Variants in AFF3 observed in about 807,000 individuals in gnomAD.
AFF3 encodes ALF transcription elongation factor 3.
In AFF3, 32 loss-of-function variants were observed where a neutral mutation model predicts 129.7. That is an observed-to-expected ratio of 0.25 (90% CI 0.19 to 0.33). The LOEUF is 0.33. AFF3 is among the 10% of genes least tolerant of loss of function. The probability of loss-of-function intolerance (pLI) is 1.00; values close to 1 mark genes in which losing one functional copy is unlikely to be tolerated. For missense variants in AFF3, 1,373 were observed against 1,592.0 expected (o/e 0.86, Z 2.34); for synonymous variants, 644 against 635.4 (o/e 1.01, Z -0.20).
chr2:99,961,469 T>G (rs541016093), intron 7 of AFF3, among the ~76,000 whole-genome samples: 37 of 152,204 alleles, frequency 2.4e-4, no homozygotes, highest in Non-Finnish European at 4.0e-4. Context: ...GGTTTCACTT[T>G]TGCCATTTTC....
chr2:99,601,383 C>T (rs1679812391), intron 14 of AFF3, 52 bp downstream of exon 14: 1 of 1,497,994 alleles, frequency 6.7e-7, no homozygotes, highest in Non-Finnish European at 8.9e-7. Context: ...ACTTGCTATC[C>T]TCATAGAGAC....
At chr2:99,685,031 C>T (rs946101838) in intron 11 of AFF3, among the ~76,000 whole-genome samples, 1 of 151,770 alleles carries the variant, frequency 6.6e-6, no homozygotes, top group African/African-American at 2.4e-5. Flanking sequence ...CTCCGCCTCC[C>T]ATGTTCAAGT....
At chr2:100,038,633 C>T (rs1391547993) in intron 4 of AFF3, among the ~76,000 whole-genome samples, 3 of 151,942 alleles carry the variant, frequency 2.0e-5, no homozygotes, top group African/African-American at 2.4e-5. Context: ...CATACATGCA[C>T]AAAAAGTCTG....
At chr2:99,576,515 CA>C (rs776848009) in intron 18 of AFF3, among the ~76,000 whole-genome samples, 424 of 63,110 alleles carry the variant, frequency 6.7e-3, no homozygotes, top group East Asian at 0.034. Flanking sequence ...GACCCTGTCT[CA>C]AAAAAAAAAA....
At chr2:99,600,060 T>C (rs182405171) in intron 14 of AFF3, among the ~76,000 whole-genome samples, 10 of 152,336 alleles carry the variant, frequency 6.6e-5, no homozygotes, top group Admixed American at 6.5e-4. Flanking sequence ...ATTTAGTTTC[T>C]GGGAAAAGCC....
chr2:99,653,522 G>A (rs77319403), intron 12 of AFF3, among the ~76,000 whole-genome samples: 5 of 152,342 alleles, frequency 3.3e-5, no homozygotes, highest in African/African-American at 1.2e-4. Flanking sequence ...TTTAAAAAGC[G>A]AAAGGAAAAC....
At chr2:100,079,920 A>C (rs1688911926) in intron 4 of AFF3, among the ~76,000 whole-genome samples, 1 of 152,210 alleles carries the variant, frequency 6.6e-6, no homozygotes. Flanking sequence ...CCATGAAGAC[A>C]GAACTTCCTG....
At chr2:99,901,543 C>T (rs1694342822) in intron 7 of AFF3, among the ~76,000 whole-genome samples, 1 of 152,194 alleles carries the variant, frequency 6.6e-6, no homozygotes, top group Non-Finnish European at 1.5e-5. Flanking sequence ...CAGAGAATGG[C>T]TGGCAACTCC....
intron 11 of AFF3, among the ~76,000 whole-genome samples, chr2:99,695,743 G>A (rs1390665766): frequency 6.6e-6 from 1 of 151,800 alleles, no homozygotes; most frequent in Non-Finnish European, 1.5e-5. Flanking sequence ...ATTGGTAAGC[G>A]ATGGGATTTC....
At chr2:99,761,586 G>A (rs1293401864) in intron 8 of AFF3, among the ~76,000 whole-genome samples, 1 of 152,184 alleles carries the variant, frequency 6.6e-6, no homozygotes, top group East Asian at 1.9e-4. Context: ...GTTACCAAAG[G>A]AGAGAAGAAA....
At chr2:99,718,289 A>G (rs75702632) in intron 11 of AFF3, among the ~76,000 whole-genome samples, 5,941 of 152,298 alleles carry the variant, frequency 0.039, 415 homozygotes, top group African/African-American at 0.14. Context: ...AAGTTTTCCA[A>G]TTCATGAACG....
chr2:99,962,797 T>G (rs1246383620), intron 7 of AFF3, among the ~76,000 whole-genome samples: 1 of 149,902 alleles, frequency 6.7e-6, no homozygotes, highest in Admixed American at 6.6e-5. Context: ...AACTTCTTTT[T>G]TAATCATTAG....
intron 4 of AFF3, among the ~76,000 whole-genome samples, chr2:100,019,299 G>C (rs902297396): frequency 2.0e-5 from 3 of 152,182 alleles, no homozygotes; most frequent in African/African-American, 7.2e-5. Context: ...AAAGGACTAA[G>C]AGTCACCTTG....
At position 99,999,359 on chromosome 2, in the gene AFF3, T is replaced by C. The variant is rs530653071; in HGVS notation, c.873+7273A>G. Among the ~76,000 whole-genome samples, 7 of 152,354 alleles carry C rather than the reference T, an allele frequency of 4.6e-5. No individual in the cohort carries two copies. In the East Asian group the frequency reaches 1.4e-3, roughly 29 times the overall value. On this transcript the variant is annotated intron_variant, in intron 7 of 24. Coordinates refer to ENST00000672756, the MANE Select transcript of AFF3 (RefSeq NM_001386135.1). Reference sequence around the variant, plus strand: ...GCCCCAACACGGGAAGGCCCAGGATTGGTGGGGAGCACCTTCTTTCATCCA... The same window carrying C: ...GCCCCAACACGGGAAGGCCCAGGATCGGTGGGGAGCACCTTCTTTCATCCA...
intron 4 of AFF3, among the ~76,000 whole-genome samples, chr2:100,072,808 C>T (rs959805733): frequency 6.6e-6 from 1 of 152,182 alleles, no homozygotes; most frequent in Non-Finnish European, 1.5e-5. Flanking sequence ...TGTTTCTTCT[C>T]GTTTGTATTT....
chr2:99,963,398 A>G (rs577006753), intron 7 of AFF3, among the ~76,000 whole-genome samples: 8 of 152,280 alleles, frequency 5.3e-5, no homozygotes, highest in African/African-American at 1.9e-4. Context: ...TTATTGCAGC[A>G]TCTGATGTGG....
intron 13 of AFF3, chr2:99,630,507 T>C (rs1683027917): frequency 6.6e-6 from 1 of 152,252 alleles, no homozygotes; most frequent in Non-Finnish European, 1.5e-5. Flanking sequence ...GCCCCTGCCT[T>C]GGTGGAAAGA....
At chr2:100,059,363 C>CT (rs1346058575) in intron 4 of AFF3, among the ~76,000 whole-genome samples, 3 of 149,502 alleles carry the variant, frequency 2.0e-5, no homozygotes, top group Non-Finnish European at 4.4e-5. Flanking sequence ...CATCTTTAGT[C>CT]TTTAAGGAAA....
chr2:99,819,830 C>T (rs1687511384), intron 8 of AFF3, among the ~76,000 whole-genome samples: 1 of 152,154 alleles, frequency 6.6e-6, no homozygotes, highest in African/African-American at 2.4e-5. Context: ...GCTTCTGCCA[C>T]TGGGAAACTC....
Sources: gnomAD v4.1 joint callset for allele counts (sites outside exome capture counted in the v4.1 genomes callset) on GRCh38, gnomAD v4.1.1 for gene constraint, MANE v1.5 for transcripts, NCBI Gene and HGNC (gene_info 2026-07-23, HGNC 2026-07-21) for gene names.